Variants in SPSB4 observed in about 807,000 individuals in gnomAD.
The protein encoded by SPSB4 is splA/ryanodine receptor domain and SOCS box containing 4.
A neutral mutation model predicts 20.9 loss-of-function variants in SPSB4; 21 were observed. That is an observed-to-expected ratio of 1.01 (90% confidence interval 0.71 to 1.45). The LOEUF is 1.45. Among genes scored for constraint, SPSB4 ranks in the 40% most tolerant of loss-of-function variants. The probability of loss-of-function intolerance (pLI) is 0.00; values close to 1 mark genes in which losing one functional copy is unlikely to be tolerated. For synonymous variants in SPSB4, 207 were observed against 183.8 expected (o/e 1.13, Z -1.02); for missense variants, 399 against 399.2 (o/e 1.00, Z 0.00).
At chr3:141,062,358 C>T (rs981273710) in intron 1 of SPSB4, among the ~76,000 whole-genome samples, 1 of 151,674 alleles carries the variant, frequency 6.6e-6, no homozygotes, top group South Asian at 2.1e-4. Flanking sequence ...TGATACATTA[C>T]ATGATTAGCT....
At chr3:141,086,975 T>C (rs1451548744) in intron 2 of SPSB4, among the ~76,000 whole-genome samples, 1 of 152,118 alleles carries the variant, frequency 6.6e-6, no homozygotes, top group African/African-American at 2.4e-5. Context: ...TTGGGAACAC[T>C]GATTCTGCAG....
intron 1 of SPSB4, among the ~76,000 whole-genome samples, chr3:141,062,354 A>T (rs533878952): frequency 6.6e-6 from 1 of 151,868 alleles, no homozygotes; most frequent in South Asian, 2.1e-4. Flanking sequence ...AATATGATAC[A>T]TTACATGATT....
chr3:141,135,693 T>C (rs1053410655), intron 2 of SPSB4, among the ~76,000 whole-genome samples: 2 of 152,198 alleles, frequency 1.3e-5, no homozygotes, highest in Non-Finnish European at 2.9e-5. Flanking sequence ...TATGGCTGCA[T>C]AGTATTCCAT....
chr3:141,073,594 C>T (rs151125547), intron 2 of SPSB4, among the ~76,000 whole-genome samples: 246 of 152,318 alleles, frequency 1.6e-3, no homozygotes, highest in Non-Finnish European at 2.7e-3. Context: ...TGGCTCTTTG[C>T]TGTGGCAACT....
intron 2 of SPSB4, among the ~76,000 whole-genome samples, chr3:141,073,479 T>G (rs1938046207): frequency 6.6e-6 from 1 of 152,212 alleles, no homozygotes; most frequent in Non-Finnish European, 1.5e-5. Context: ...CCTTACATAG[T>G]GTGTAGTCAA....
chr3:141,141,679 C>A (rs1346860292), intron 2 of SPSB4, among the ~76,000 whole-genome samples: 1 of 151,242 alleles, frequency 6.6e-6, no homozygotes, highest in Non-Finnish European at 1.5e-5. Context: ...TGGTCCTTGA[C>A]TTTTTTTTTG....
At chr3:141,074,160 A>G (rs1319541385) in intron 2 of SPSB4, among the ~76,000 whole-genome samples, 1 of 152,208 alleles carries the variant, frequency 6.6e-6, no homozygotes, top group Non-Finnish European at 1.5e-5. Flanking sequence ...GTCTTCCAGC[A>G]CTGGCTTGGC....
chr3:141,079,072 T>C (rs1228432047), intron 2 of SPSB4, among the ~76,000 whole-genome samples: 1 of 152,038 alleles, frequency 6.6e-6, no homozygotes, highest in Non-Finnish European at 1.5e-5. Flanking sequence ...CCATCCTGGC[T>C]AACATGGTGA....
intron 2 of SPSB4, among the ~76,000 whole-genome samples, chr3:141,141,381 C>T (rs1449288700): frequency 6.6e-6 from 1 of 152,194 alleles, no homozygotes; most frequent in Non-Finnish European, 1.5e-5. Flanking sequence ...GAACCCGGTA[C>T]CTCAGTTGGA....
chr3:141,057,758 G>T (rs551218820), intron 1 of SPSB4, among the ~76,000 whole-genome samples: 14 of 152,186 alleles, frequency 9.2e-5, no homozygotes, highest in Non-Finnish European at 4.4e-5. Flanking sequence ...AACCTGTCGA[G>T]GATTTTGAGC....
At chr3:141,142,581 C>T (rs1198922585) in intron 2 of SPSB4, among the ~76,000 whole-genome samples, 5 of 151,980 alleles carry the variant, frequency 3.3e-5, no homozygotes, top group Non-Finnish European at 5.9e-5. Context: ...TATAGTTGAA[C>T]TCCATTGTTT....
chr3:141,099,348 C>A (rs1325306414), intron 2 of SPSB4, among the ~76,000 whole-genome samples: 2 of 152,240 alleles, frequency 1.3e-5, no homozygotes, highest in East Asian at 3.9e-4. Context: ...CCATGCCCGG[C>A]TAATTTTTGT....
intron 1 of SPSB4, among the ~76,000 whole-genome samples, chr3:141,063,524 A>G (rs909562688): frequency 6.6e-6 from 1 of 152,170 alleles, no homozygotes; most frequent in Non-Finnish European, 1.5e-5. Context: ...TCTGGAGGTT[A>G]CCTTTATAAC....
At chr3:141,108,394 G>A (rs1480212726) in intron 2 of SPSB4, among the ~76,000 whole-genome samples, 1 of 152,186 alleles carries the variant, frequency 6.6e-6, no homozygotes, top group Non-Finnish European at 1.5e-5. Flanking sequence ...CTTCCTAATT[G>A]TATTTTGCTC....
intron 2 of SPSB4, among the ~76,000 whole-genome samples, chr3:141,105,197 G>A (rs1295124780): frequency 1.3e-5 from 2 of 152,218 alleles, no homozygotes; most frequent in Non-Finnish European, 2.9e-5. Flanking sequence ...TTCACTGCAA[G>A]GCAGAAAGGA....
At chr3:141,139,538 C>T (rs972109895) in intron 2 of SPSB4, among the ~76,000 whole-genome samples, 3 of 152,176 alleles carry the variant, frequency 2.0e-5, no homozygotes, top group Non-Finnish European at 4.4e-5. Context: ...CTGGTGGTAA[C>T]AAAATCTCTC....
chr3:141,071,790 C>T (rs1240113990), intron 2 of SPSB4, among the ~76,000 whole-genome samples: 1 of 152,204 alleles, frequency 6.6e-6, no homozygotes, highest in Non-Finnish European at 1.5e-5. Context: ...TCCCCCTGCA[C>T]GGAGCCGAGG....
intron 1 of SPSB4, among the ~76,000 whole-genome samples, chr3:141,056,336 T>A (rs566564846): frequency 6.6e-6 from 1 of 152,310 alleles, no homozygotes; most frequent in East Asian, 1.9e-4. Flanking sequence ...GTTATCTGCA[T>A]TCTATGAAAT....
At chr3:141,060,877 T>A (rs188543055) in intron 1 of SPSB4, among the ~76,000 whole-genome samples, 58 of 152,352 alleles carry the variant, frequency 3.8e-4, no homozygotes, top group African/African-American at 1.4e-3. Flanking sequence ...ATACATTGAG[T>A]ATCTTTTCAA....
Sources: allele counts gnomAD v4.1 joint callset (sites outside exome capture counted in the v4.1 genomes callset), GRCh38; gene constraint gnomAD v4.1.1; transcripts MANE v1.5; gene names NCBI Gene and HGNC (gene_info 2026-07-23, HGNC 2026-07-21).